ANKRD30A: variants seen among roughly 807,000 people sequenced by gnomAD.
The protein encoded by ANKRD30A is ankyrin repeat domain 30A.
Under a neutral mutation model 166.3 loss-of-function variants are expected in ANKRD30A, and 170 were observed. The observed-to-expected ratio is 1.02, with a 90% CI of 0.90 to 1.16. The LOEUF (loss-of-function observed/expected upper bound fraction) is 1.16, where lower values mean the gene tolerates loss of function less well. Among genes scored for constraint, ANKRD30A ranks in the 50% most tolerant of loss-of-function variants. The pLI, the probability that ANKRD30A is intolerant of heterozygous loss-of-function variation, is 0.00. For missense variants in ANKRD30A, 1,630 were observed against 1,518.0 expected (o/e 1.07, Z -1.23); for synonymous variants, 564 against 508.9 (o/e 1.11, Z -1.46).
At chr10:37,248,549 G>A in the ANKRD30A span, among the ~76,000 whole-genome samples, 13 of 152,262 alleles carry the variant, frequency 8.5e-5, no homozygotes, top group Non-Finnish European at 1.3e-4. Context: ...AAGATCCGCT[G>A]TGGAAGACTT....
intron 13 of ANKRD30A, among the ~76,000 whole-genome samples, chr10:37,155,219 A>T (rs1216812330): frequency 1.3e-5 from 2 of 152,190 alleles, no homozygotes; most frequent in African/African-American, 4.8e-5. Flanking sequence ...AATGAAATAC[A>T]GCAATATTGA....
At chr10:37,138,925 G>T (rs1200905) in intron 6 of ANKRD30A, among the ~76,000 whole-genome samples, 83,610 of 151,824 alleles carry the variant, frequency 0.55, 23,434 homozygotes, top group African/African-American at 0.59. Context: ...CACATAATTG[G>T]CAGATTCACC....
chr10:37,164,646 C>A (rs908642276), intron 17 of ANKRD30A, among the ~76,000 whole-genome samples: 1 of 152,084 alleles, frequency 6.6e-6, no homozygotes, highest in East Asian at 1.9e-4. Context: ...ATTCCTAAAA[C>A]ATCTTATTCA....
At chr10:37,207,087 G>A (rs941301539) in intron 31 of ANKRD30A, among the ~76,000 whole-genome samples, 2 of 152,052 alleles carry the variant, frequency 1.3e-5, no homozygotes, top group African/African-American at 4.8e-5. Context: ...GGATAAGTGA[G>A]AGGATGCAAA....
rs189204441 is a variant in ANKRD30A, at chr10:37,193,186, G to A, written c.2542G>A (p.Ala848Thr). 4 of 1,611,720 alleles carry A rather than the reference G, an allele frequency of 2.5e-6. 1 individual carries two copies. The South Asian group carries it at 4.4e-5, about 18-fold the overall frequency. ...ESPDNDGFLK[A>T]PCRMKVSIPT... is the part of the protein sequence containing the mutation. ...TTGTTTTGTTTCTAAACCCATTTAG[G>A]CTCCCTGCAGAATGAAAGTTTCTAT... Residue 848 changes from alanine (A) to threonine (T), a missense_variant and splice_region_variant, in exon 27 of 36, where the codon GCT (alanine) becomes ACT (threonine). Physicochemically the swap from Ala to Thr is moderately conservative, Grantham distance 58. Coordinates refer to ENST00000361713, the MANE Select transcript of ANKRD30A (RefSeq NM_052997.3).
intron 25 of ANKRD30A, among the ~76,000 whole-genome samples, chr10:37,192,137 A>C (rs563208030): frequency 1.3e-5 from 2 of 151,944 alleles, no homozygotes; most frequent in Non-Finnish European, 2.9e-5. Context: ...CCTGGGTTCA[A>C]GTGATTCTGG....
At chr10:37,144,926 T>C (rs1032404896) in intron 7 of ANKRD30A, 69 bp from the exon 8 acceptor site, 4 of 1,173,428 alleles carry the variant, frequency 3.4e-6, no homozygotes, top group African/African-American at 1.6e-5. Context: ...GAAAATAGAT[T>C]TGTATATGTT....
intron 34 of ANKRD30A, among the ~76,000 whole-genome samples, chr10:37,229,117 A>G (rs1044945645): frequency 1.2e-4 from 18 of 151,936 alleles, no homozygotes; most frequent in Non-Finnish European, 2.5e-4. Flanking sequence ...GATCACCTAC[A>G]TTGGAGCTTC....
rs560319730 is a variant in ANKRD30A, at chr10:37,213,685, A to C, written c.2870-2496A>C. Among the ~76,000 whole-genome samples the C allele has an allele frequency of 7.3e-5, 11 of 151,278 alleles. No homozygotes were observed. In the South Asian group the frequency reaches 1.5e-3, roughly 20 times the overall value. On this transcript the variant is annotated intron_variant, in intron 31 of 35. Transcript: ENST00000361713. ...TTGTAGATGCATTTTACAATATCTA[A>C]TGTGTTGTGTTTTCATTTGAAATTA... is the stretch of plus-strand genomic sequence containing the variant.
At chr10:37,220,030 A>ATATATATATGG (rs1842831122) in intron 34 of ANKRD30A, 133 bp downstream of exon 34, 1 of 147,472 alleles carries the variant, frequency 6.8e-6, no homozygotes, top group Non-Finnish European at 1.2e-5. Flanking sequence ...TATATATATA[A>ATATATATATGG]TATATGTATG....
intron 31 of ANKRD30A, among the ~76,000 whole-genome samples, chr10:37,212,604 C>T (rs1452901561): frequency 6.6e-6 from 1 of 152,046 alleles, no homozygotes; most frequent in Non-Finnish European, 1.5e-5. Context: ...CATCACGCTA[C>T]CTGACTTCAA....
At chr10:37,192,386 A>G (rs1378465635) in intron 25 of ANKRD30A, among the ~76,000 whole-genome samples, 1 of 152,018 alleles carries the variant, frequency 6.6e-6, no homozygotes, top group African/African-American at 2.4e-5. Context: ...TTTTTGTATA[A>G]GTGGATCAGG....
At chr10:37,209,713 G>A (rs1842181710) in intron 31 of ANKRD30A, among the ~76,000 whole-genome samples, 1 of 152,092 alleles carries the variant, frequency 6.6e-6, no homozygotes, top group African/African-American at 2.4e-5. Context: ...GAACTCACCA[G>A]TGTAGGATTC....
At chr10:37,130,982 A>G (rs1022524516) in intron 3 of ANKRD30A, among the ~76,000 whole-genome samples, 128 of 152,266 alleles carry the variant, frequency 8.4e-4, no homozygotes, top group African/African-American at 2.8e-3. Flanking sequence ...TATTTATAAT[A>G]TATAGTTTAT....
intron 31 of ANKRD30A, among the ~76,000 whole-genome samples, chr10:37,211,086 T>C (rs1404258740): frequency 6.6e-6 from 1 of 152,138 alleles, no homozygotes; most frequent in Non-Finnish European, 1.5e-5. Flanking sequence ...TTCTAGGCTT[T>C]TTATGGTTTT....
Position 37,141,821 on chromosome 10 carries a change from C to G in ANKRD30A, c.924C>G (p.Pro308=). 1 of 1,611,824 alleles carries G rather than the reference C, an allele frequency of 6.2e-7. No homozygotes were observed. Among genetic ancestry groups the G allele is most frequent in the Non-Finnish European group, 8.5e-7 (1 of 1,179,330 alleles). Residue 308 remains proline (P), a synonymous_variant, in exon 7 of 36, where the codon CCC becomes CCG. Coordinates refer to ENST00000361713, the MANE Select transcript of ANKRD30A (RefSeq NM_052997.3). ...AAAAAACACCTGATGAGGCTGCACCCTTGGTGGAAAGAACACCTGACACGG... is the reference window on the plus strand; with the variant it reads ...AAAAAACACCTGATGAGGCTGCACCGTTGGTGGAAAGAACACCTGACACGG... ...LVEKTPDEAA[P]LVERTPDTAE... is the part of the protein sequence containing the mutation.
At chr10:37,162,611 T>G in intron 15 of ANKRD30A, 38 bp from the exon 16 acceptor site, 1 of 1,609,650 alleles carries the variant, frequency 6.2e-7, no homozygotes. Flanking sequence ...CTTGTCATAT[T>G]TACATATGAT....
At chr10:37,148,861 A>G (rs1043610554) in intron 9 of ANKRD30A, among the ~76,000 whole-genome samples, 1 of 152,092 alleles carries the variant, frequency 6.6e-6, no homozygotes, top group Non-Finnish European at 1.5e-5. Flanking sequence ...GATACGCCAA[A>G]TCAGATGAAT....
intron 8 of ANKRD30A, among the ~76,000 whole-genome samples, chr10:37,146,250 C>A (rs1389002542): frequency 6.6e-6 from 1 of 152,218 alleles, no homozygotes; most frequent in Non-Finnish European, 1.5e-5. Flanking sequence ...TATTCAAGTA[C>A]TTTTTCCATC....
Sources: gnomAD v4.1 joint callset for allele counts (sites outside exome capture counted in the v4.1 genomes callset) on GRCh38, gnomAD v4.1.1 for gene constraint, MANE v1.5 for transcripts, NCBI Gene and HGNC (gene_info 2026-07-23, HGNC 2026-07-21) for gene names.